The following SEMA6D variants were observed in gnomAD, a reference collection of about 807,000 sequenced individuals.
SEMA6D encodes semaphorin 6D, also known as semaphorin-6D.
A neutral mutation model predicts 106.6 loss-of-function variants in SEMA6D; 35 were observed. That is an observed-to-expected ratio of 0.33 (90% confidence interval 0.25 to 0.44). SEMA6D has a LOEUF of 0.44. Among genes scored for constraint, SEMA6D ranks in the 20% least tolerant of loss-of-function variants. The probability of loss-of-function intolerance (pLI) is 1.00; values close to 1 mark genes in which losing one functional copy is unlikely to be tolerated. For synonymous variants in SEMA6D, 499 were observed against 487.7 expected (o/e 1.02, Z -0.31); for missense variants, 1,185 against 1,345.9 (o/e 0.88, Z 1.87).
chr15:47,588,086 A>C (rs1298786492), intron 3 of SEMA6D, among the ~76,000 whole-genome samples: 1 of 152,182 alleles, frequency 6.6e-6, no homozygotes, highest in Non-Finnish European at 1.5e-5. Flanking sequence ...CTGAGCAGAA[A>C]GGGCCTTTTC....
intron 3 of SEMA6D, among the ~76,000 whole-genome samples, chr15:47,490,712 C>T (rs935121070): frequency 7.2e-5 from 11 of 151,902 alleles, no homozygotes; most frequent in Admixed American, 7.2e-4. Context: ...ATACAGCTGA[C>T]AAAAGATTAG....
chr15:47,746,819 A>C (rs1361653104), intron 1 of SEMA6D, among the ~76,000 whole-genome samples: 6 of 151,958 alleles, frequency 3.9e-5, no homozygotes, highest in African/African-American at 1.4e-4. Flanking sequence ...GCTGAAGGGG[A>C]GGAGCCCAGT....
chr15:47,511,864 T>TTAA (rs2044245247), intron 3 of SEMA6D, among the ~76,000 whole-genome samples: 1 of 152,136 alleles, frequency 6.6e-6, no homozygotes. Flanking sequence ...GTGTGAGCCA[T>TTAA]TGCAGTCTGA....
At position 47,515,215 on chromosome 15, in the gene SEMA6D, T is replaced by C. The variant is rs1210808659; in HGVS notation, c.-87+44670T>C. On this transcript the variant is annotated intron_variant, in intron 3 of 19. Transcript: ENST00000558014. ...AAGCCTTTGTTCAAATATCACCTTC[T>C]CAAAGAGGCCTATTAATAAGCCAGA... is the stretch of plus-strand genomic sequence containing the variant. Among the ~76,000 whole-genome samples, 3 of 152,282 alleles carry C rather than the reference T, an allele frequency of 2.0e-5. No homozygotes were observed. The East Asian group carries it at 5.8e-4, about 29-fold the overall frequency.
chr15:47,366,956 C>T (rs1048112973), intron 1 of SEMA6D, among the ~76,000 whole-genome samples: 1 of 152,200 alleles, frequency 6.6e-6, no homozygotes, highest in African/African-American at 2.4e-5. Context: ...CAATAAGGCT[C>T]TGTCTTGCTT....
At chr15:47,582,112 T>C (rs550643507) in intron 3 of SEMA6D, among the ~76,000 whole-genome samples, 1 of 152,196 alleles carries the variant, frequency 6.6e-6, no homozygotes, top group Admixed American at 6.5e-5. Flanking sequence ...ATAGGCCAGA[T>C]AAATGCCACT....
At chr15:47,510,309 G>A (rs1293913715) in intron 3 of SEMA6D, among the ~76,000 whole-genome samples, 1 of 152,156 alleles carries the variant, frequency 6.6e-6, no homozygotes, top group Non-Finnish European at 1.5e-5. Flanking sequence ...ATGATCTGAG[G>A]TGGAATAGTT....
chr15:47,513,323 A>G (rs1264687208), intron 3 of SEMA6D, among the ~76,000 whole-genome samples: 2 of 152,200 alleles, frequency 1.3e-5, no homozygotes, highest in African/African-American at 4.8e-5. Context: ...CTATGTATAC[A>G]TCAAAATGTA....
chr15:47,246,777 G>C (rs2033231528), intron 1 of SEMA6D, among the ~76,000 whole-genome samples: 1 of 152,158 alleles, frequency 6.6e-6, no homozygotes, highest in Non-Finnish European at 1.5e-5. Flanking sequence ...CATCTGCAAA[G>C]TTGCTTTTGC....
At chr15:47,660,185 A>G (rs1408292010) in intron 4 of SEMA6D, among the ~76,000 whole-genome samples, 1 of 121,216 alleles carries the variant, frequency 8.2e-6, no homozygotes, top group African/African-American at 2.5e-5. Context: ...GTTATCCCCA[A>G]TCAACATAAT....
intron 3 of SEMA6D, among the ~76,000 whole-genome samples, chr15:47,476,397 T>G (rs2043001184): frequency 6.6e-6 from 1 of 152,188 alleles, no homozygotes; most frequent in Admixed American, 6.5e-5. Flanking sequence ...ACTCATTTTA[T>G]GTGTGTGAAG....
At chr15:47,739,061 T>C (rs1373478754) in intron 1 of SEMA6D, among the ~76,000 whole-genome samples, 6 of 152,190 alleles carry the variant, frequency 3.9e-5, no homozygotes, top group Non-Finnish European at 8.8e-5. Context: ...AAGTGGAAGC[T>C]GCCTATGTAT....
intron 3 of SEMA6D, among the ~76,000 whole-genome samples, chr15:47,483,720 A>G (rs1230793495): frequency 1.3e-5 from 2 of 152,200 alleles, no homozygotes; most frequent in African/African-American, 2.4e-5. Context: ...TATATTTACT[A>G]TAGAACAACC....
At chr15:47,669,407 C>T (rs1342515491) in intron 4 of SEMA6D, among the ~76,000 whole-genome samples, 2 of 152,180 alleles carry the variant, frequency 1.3e-5, no homozygotes, top group Non-Finnish European at 1.5e-5. Flanking sequence ...TGGCATAATG[C>T]CTGGCATATG....
At chr15:47,295,185 C>G (rs1026036209) in intron 1 of SEMA6D, among the ~76,000 whole-genome samples, 2 of 152,252 alleles carry the variant, frequency 1.3e-5, no homozygotes, top group Non-Finnish European at 2.9e-5. Flanking sequence ...AATACACATA[C>G]TTATGTATCT....
In SEMA6D at chr15:47,368,828, C is replaced by A. The variant is rs111312293; in HGVS notation, c.-238-43565C>A. Among the ~76,000 whole-genome samples, 519 of 152,282 alleles carry A rather than the reference C, an allele frequency of 3.4e-3. 3 individuals carry two copies. The highest frequency in any genetic ancestry group is 5.5e-3 in the Non-Finnish European group (372 of 68,026). On this transcript the variant is annotated intron_variant, in intron 1 of 19. Transcript: ENST00000558014. ...TGTCTGACTTTCTTCTACTTCCTAGCGTTGAACATTTCCTCAGATTTCCCC... is the reference window on the plus strand; with the variant it reads ...TGTCTGACTTTCTTCTACTTCCTAGAGTTGAACATTTCCTCAGATTTCCCC...
chr15:47,602,990 CAG>C (rs2076694689), intron 4 of SEMA6D, among the ~76,000 whole-genome samples: 1 of 152,078 alleles, frequency 6.6e-6, no homozygotes, highest in Admixed American at 6.6e-5. Context: ...CTTTGGATAA[CAG>C]AACTCAGAGA....
intron 1 of SEMA6D, among the ~76,000 whole-genome samples, chr15:47,186,787 G>A (rs983642411): frequency 2.0e-5 from 3 of 152,084 alleles, no homozygotes; most frequent in African/African-American, 7.2e-5. Flanking sequence ...ACCAATTTTA[G>A]CTAGTAGCTT....
intron 3 of SEMA6D, among the ~76,000 whole-genome samples, chr15:47,509,962 A>C (rs192007100): frequency 6.6e-6 from 1 of 152,338 alleles, no homozygotes; most frequent in Admixed American, 6.5e-5. Flanking sequence ...CTTTGGATAC[A>C]AAATATTTCA....
Sources: gnomAD v4.1 joint callset for allele counts (sites outside exome capture counted in the v4.1 genomes callset) on GRCh38, gnomAD v4.1.1 for gene constraint, MANE v1.5 for transcripts, NCBI Gene and HGNC (gene_info 2026-07-23, HGNC 2026-07-21) for gene names.